Variants in ILDR2 observed in about 807,000 individuals in gnomAD.
ILDR2 encodes the protein immunoglobulin like domain containing receptor 2.
In ILDR2, 25 loss-of-function variants were observed where a neutral mutation model predicts 66.8. The observed-to-expected ratio is 0.37, with a 90% CI of 0.27 to 0.52. The LOEUF is 0.52. Among genes scored for constraint, ILDR2 ranks in the 20% least tolerant of loss-of-function variants. The probability of loss-of-function intolerance (pLI) is 0.88; values close to 1 mark genes in which losing one functional copy is unlikely to be tolerated. For missense variants in ILDR2, 827 were observed against 876.8 expected (o/e 0.94, Z 0.72); for synonymous variants, 367 against 357.2 (o/e 1.03, Z -0.31).
At chr1:166,968,471 T>G (rs970943307) in intron 1 of ILDR2, among the ~76,000 whole-genome samples, 5 of 152,092 alleles carry the variant, frequency 3.3e-5, no homozygotes, top group Non-Finnish European at 7.4e-5. Flanking sequence ...AATAAAAAGC[T>G]CCCTCTGCAG....
intron 6 of ILDR2, among the ~76,000 whole-genome samples, chr1:166,933,181 C>T (rs1005400486): frequency 1.3e-5 from 2 of 152,234 alleles, no homozygotes; most frequent in African/African-American, 2.4e-5. Flanking sequence ...CTAAGAGGTG[C>T]ATCTTGAGTA....
chr1:166,912,967 G>T lies in ILDR2; in HGVS notation c.*6388C>A, dbSNP rs968627474. ...TCTCCTTCTGAATGTTACAGTCTGTGGAGAGCAGTAAGAGTGACAACAGAA... is the reference window on the plus strand; with the variant it reads ...TCTCCTTCTGAATGTTACAGTCTGTTGAGAGCAGTAAGAGTGACAACAGAA... On this transcript the variant is annotated 3_prime_UTR_variant, in exon 10 of 10. Coordinates refer to ENST00000271417, the MANE Select transcript of ILDR2 (RefSeq NM_199351.3). The T allele has an allele frequency of 1.7e-4, 26 of 152,156 alleles. No homozygotes were observed. Among genetic ancestry groups the T allele is most frequent in the Non-Finnish European group, 1.5e-5 (1 of 68,042 alleles). The allele number at this position is 152,156 out of a possible 1,614,324, so 9.4% of individuals were successfully genotyped here.
At chr1:166,966,069 G>C (rs933586142) in intron 1 of ILDR2, among the ~76,000 whole-genome samples, 2 of 152,038 alleles carry the variant, frequency 1.3e-5, no homozygotes, top group Non-Finnish European at 2.9e-5. Context: ...AGAAGATGCA[G>C]CTTGAATCTT....
rs373692343 is a variant in ILDR2, at chr1:166,939,507, C to G, written c.556+7G>C. Reference sequence around the variant, plus strand: ...TCAAGCAAATAAAGAGTTAAATGACCGAATACCTGGCATAATCTCCACAGC... The same window carrying G: ...TCAAGCAAATAAAGAGTTAAATGACGGAATACCTGGCATAATCTCCACAGC... On this transcript the variant is annotated splice_region_variant and intron_variant, in intron 4 of 9. Transcript: ENST00000271417. 6.2e-6 allele frequency: 10 copies of G among 1,611,796 alleles called. No homozygotes were observed. Among genetic ancestry groups the G allele is most frequent in the Admixed American group, 1.7e-5 (1 of 59,966 alleles).
downstream of ILDR2, among the ~76,000 whole-genome samples, chr1:166,906,650 A>G (rs1233114781): frequency 6.6e-6 from 1 of 152,242 alleles, no homozygotes; most frequent in Non-Finnish European, 1.5e-5. Flanking sequence ...CAATATGTGA[A>G]AAAGACTATG....
chr1:166,949,958 G>C (rs537247860), intron 3 of ILDR2, among the ~76,000 whole-genome samples: 11 of 152,312 alleles, frequency 7.2e-5, no homozygotes, highest in South Asian at 4.1e-4. Flanking sequence ...TATTTCAGCT[G>C]TTCTGGAAAC....
chr1:166,903,053 T>A (rs1385989353), intron 2 of ILDR2, among the ~76,000 whole-genome samples: 1 of 152,236 alleles, frequency 6.6e-6, no homozygotes, highest in African/African-American at 2.4e-5. Flanking sequence ...GCATTCGCCC[T>A]CCAACTGTTC....
At chr1:166,947,469 G>T (rs1035841616) in intron 3 of ILDR2, among the ~76,000 whole-genome samples, 3 of 152,258 alleles carry the variant, frequency 2.0e-5, no homozygotes, top group Non-Finnish European at 4.4e-5. Context: ...ACCCTCTCAT[G>T]GGAAGCCAAT....
At chr1:166,975,124 G>C in intron 1 of ILDR2, 99 bp downstream of exon 1, 1 of 1,023,232 alleles carries the variant, frequency 9.8e-7, no homozygotes, top group Non-Finnish European at 1.5e-6. Flanking sequence ...TTTAAACATG[G>C]TCAGTAAGGA....
At chr1:166,972,165 T>C (rs1238027425) in intron 1 of ILDR2, among the ~76,000 whole-genome samples, 1 of 151,660 alleles carries the variant, frequency 6.6e-6, no homozygotes, top group Non-Finnish European at 1.5e-5. Flanking sequence ...TGAGCCGAGA[T>C]GGTGCCAATG....
At position 166,912,252 on chromosome 1, in the gene ILDR2, G is replaced by C. The variant is rs1349501521; in HGVS notation, c.*7103C>G. The C allele has an allele frequency of 1.3e-5, 2 of 152,072 alleles. No homozygotes were observed. Among genetic ancestry groups the C allele is most frequent in the South Asian group, 4.2e-4 (2 of 4,818 alleles). The allele number at this position is 152,072 out of a possible 1,614,324, so 9.4% of individuals were successfully genotyped here. On this transcript the variant is annotated 3_prime_UTR_variant, in exon 10 of 10. Coordinates refer to ENST00000271417, the MANE Select transcript of ILDR2 (RefSeq NM_199351.3). ...CTGAAAGAAAATAACTATCAATCTAGAATCATAATCAGTGAAATTATCTTT... is the reference window on the plus strand; with the variant it reads ...CTGAAAGAAAATAACTATCAATCTACAATCATAATCAGTGAAATTATCTTT...
At chr1:166,923,468 G>C (rs59529372) in intron 7 of ILDR2, among the ~76,000 whole-genome samples, 1 of 152,358 alleles carries the variant, frequency 6.6e-6, no homozygotes, top group East Asian at 1.9e-4. Context: ...TCCTGCTCAA[G>C]TAGCACCAAG....
downstream of ILDR2, among the ~76,000 whole-genome samples, chr1:166,906,545 C>T (rs1026902869): frequency 2.6e-5 from 4 of 152,046 alleles, no homozygotes; most frequent in African/African-American, 4.8e-5. Context: ...ATAGCAAAGA[C>T]GTAGAAAAGA....
chr1:166,966,983 C>T (rs1405971500), intron 1 of ILDR2, among the ~76,000 whole-genome samples: 2 of 152,244 alleles, frequency 1.3e-5, no homozygotes, highest in Non-Finnish European at 2.9e-5. Flanking sequence ...GCAAGCACCT[C>T]AAACTCATCC....
At chr1:166,975,136 G>A (rs1056410135) in intron 1 of ILDR2, 87 bp downstream of exon 1, 3 of 1,186,314 alleles carry the variant, frequency 2.5e-6, no homozygotes, top group Middle Eastern at 1.9e-4. Flanking sequence ...CAGTAAGGAG[G>A]AAAATGGGGG....
At chr1:166,958,979 G>GCCTCACCTCTCACCT (rs1662449431) in intron 1 of ILDR2, among the ~76,000 whole-genome samples, 3 of 151,988 alleles carry the variant, frequency 2.0e-5, no homozygotes, top group African/African-American at 7.2e-5. Flanking sequence ...TCCTCTTACC[G>GCCTCACCTCTCACCT]CCTCAGCCTC....
chr1:166,916,738 C>T lies in ILDR2; in HGVS notation c.*2617G>A, dbSNP rs1231627401. On this transcript the variant is annotated 3_prime_UTR_variant, in exon 10 of 10. Transcript: ENST00000271417. ...ACAAAGGACAACCTGGTCCCAACTC[C>T]CAAGGTTAATTCAGTAGCCTGCTAT... 6.6e-6 allele frequency: 1 copy of T among 152,184 alleles called. No individual in the cohort carries two copies. Among genetic ancestry groups the T allele is most frequent in the Non-Finnish European group, 1.5e-5 (1 of 68,030 alleles). 9.4% of individuals were successfully genotyped at this position (152,184 alleles called of 1,614,324 possible). A position where few individuals can be genotyped will look rare whatever the true frequency, so the allele number is the denominator to read the frequency against.
At position 166,939,341 on chromosome 1, in the gene ILDR2, AG is replaced by A. The variant is rs148708396; in HGVS notation, c.556+172del. Among the ~76,000 whole-genome samples, 1,225 of 152,332 alleles carry A rather than the reference AG, an allele frequency of 8.0e-3. 9 individuals carry two copies. Among genetic ancestry groups the A allele is most frequent in the Admixed American group, 0.012 (191 of 15,304 alleles). On this transcript the variant is annotated intron_variant, in intron 4 of 9. Coordinates refer to ENST00000271417, the MANE Select transcript of ILDR2 (RefSeq NM_199351.3). ...CATTATTCTTTTAAGGCCTAGTAAC[AG>A]AAGGAATGCAATTTAAAAGCCCTTC...
rs770533418 is a variant in ILDR2, at chr1:166,913,597, T to C, written c.*5758A>G. ...TCTAAGAAAAATTTAGCTAAACTAC[T>C]ATATCTTTTTCCTTCTCACATTCCT... is the stretch of plus-strand genomic sequence containing the variant. On this transcript the variant is annotated 3_prime_UTR_variant, in exon 10 of 10. Transcript: ENST00000271417. The C allele has an allele frequency of 2.0e-5, 3 of 152,198 alleles. No homozygotes were observed. Among genetic ancestry groups the C allele is most frequent in the Non-Finnish European group, 4.4e-5 (3 of 68,040 alleles). 9.4% of individuals were successfully genotyped at this position (152,198 alleles called of 1,614,324 possible). A position where few individuals can be genotyped will look rare whatever the true frequency, so the allele number is the denominator to read the frequency against.
Sources: allele counts gnomAD v4.1 joint callset (sites outside exome capture counted in the v4.1 genomes callset), GRCh38; gene constraint gnomAD v4.1.1; transcripts MANE v1.5; gene names NCBI Gene and HGNC (gene_info 2026-07-23, HGNC 2026-07-21).